The following LITAF variants were observed in gnomAD, a reference collection of about 807,000 sequenced individuals.
The protein encoded by LITAF is lipopolysaccharide induced TNF factor.
In LITAF, 9 loss-of-function variants were observed where a neutral mutation model predicts 14.5. The observed-to-expected ratio is 0.62, with a 90% CI of 0.37 to 1.08. LITAF has a LOEUF of 1.08. Ranked by LOEUF, LITAF falls within the 50% of genes least tolerant of loss-of-function variation. LITAF has a pLI of 0.01. For missense variants in LITAF, 206 were observed against 213.4 expected (o/e 0.97, Z 0.22); for synonymous variants, 98 against 88.2 (o/e 1.11, Z -0.62).
chr16:11,553,859 G>C lies in LITAF; in HGVS notation c.221-170C>G. Reference sequence around the variant, plus strand: ...TATCTATGAGAGCCAAAAGGGGAAGGAACACCAGTGTCCATCGACGGACCA... The same window carrying C: ...TATCTATGAGAGCCAAAAGGGGAAGCAACACCAGTGTCCATCGACGGACCA... On this transcript the variant is annotated intron_variant, in intron 2 of 3. Coordinates refer to ENST00000622633, the MANE Select transcript of LITAF (RefSeq NM_001136472.2). This position sits in a 1 kb window ranked among gnomAD's most constrained non-coding sequence, Gnocchi z 7.7. 4.3e-6 allele frequency: 3 copies of C among 691,426 alleles called. No individual in the cohort carries two copies. Among genetic ancestry groups the C allele is most frequent in the Non-Finnish European group, 5.0e-6 (2 of 399,822 alleles). 42.8% of individuals were successfully genotyped at this position (691,426 alleles called of 1,614,324 possible). A position where few individuals can be genotyped will look rare whatever the true frequency, so the allele number is the denominator to read the frequency against.
chr16:11,588,752 A>T (rs115209636), upstream of LITAF, among the ~76,000 whole-genome samples: 456 of 152,156 alleles, frequency 3.0e-3, 2 homozygotes, highest in African/African-American at 0.011. Context: ...GAGACATAAC[A>T]CCTAGGGAAA....
intron 3 of LITAF, among the ~76,000 whole-genome samples, chr16:11,615,477 C>T (rs1412438082): frequency 6.6e-6 from 1 of 151,858 alleles, no homozygotes; most frequent in Non-Finnish European, 1.5e-5. Context: ...GTGGAGGTTG[C>T]GGTGAGCCGA....
chr16:11,615,714 G>T (rs973777472), intron 3 of LITAF, among the ~76,000 whole-genome samples: 1 of 152,130 alleles, frequency 6.6e-6, no homozygotes, highest in Non-Finnish European at 1.5e-5. Context: ...AAAGAAAAGT[G>T]AAGACCTATG....
At chr16:11,625,932 A>G (rs1215746141) in intron 3 of LITAF, among the ~76,000 whole-genome samples, 1 of 152,072 alleles carries the variant, frequency 6.6e-6, no homozygotes, top group Non-Finnish European at 1.5e-5. Flanking sequence ...AGTGCCCATG[A>G]GGAAATGGAA....
intron 1 of LITAF, among the ~76,000 whole-genome samples, chr16:11,559,899 G>A (rs188588900): frequency 6.6e-6 from 1 of 151,872 alleles, no homozygotes; most frequent in African/African-American, 2.4e-5. Context: ...GGAGGCTGAG[G>A]TGGGAGAATC....
chr16:11,638,701 CAAAAAAAAAAAAAAAAAAAAAAAA>C (rs57170972), upstream of LITAF, among the ~76,000 whole-genome samples: 278 of 75,932 alleles, frequency 3.7e-3, 2 homozygotes, highest in East Asian at 0.021. Context: ...GACTCTGTCT[CAAAAAAAAAAAAAAAAAAAAAAAA>C]AAAAAAAAAA....
intron 3 of LITAF, among the ~76,000 whole-genome samples, chr16:11,552,822 A>C (rs540434513): frequency 7.2e-5 from 11 of 152,270 alleles, no homozygotes; most frequent in African/African-American, 2.6e-4. Context: ...TACAATAAAG[A>C]AATGTCTTGG....
chr16:11,622,675 T>C (rs1339174772), intron 3 of LITAF, among the ~76,000 whole-genome samples: 16 of 152,176 alleles, frequency 1.1e-4, no homozygotes, highest in Non-Finnish European at 2.2e-4. Flanking sequence ...AAATTAAGAA[T>C]ACAAGGTGTC....
At chr16:11,606,025 TA>T (rs2064953459) in intron 3 of LITAF, among the ~76,000 whole-genome samples, 1 of 152,154 alleles carries the variant, frequency 6.6e-6, no homozygotes, top group African/African-American at 2.4e-5. Flanking sequence ...CCTTTTTCGT[TA>T]AACTTATTGT....
At chr16:11,624,842 A>G (rs1040433843) in intron 3 of LITAF, among the ~76,000 whole-genome samples, 1 of 152,188 alleles carries the variant, frequency 6.6e-6, no homozygotes, top group Non-Finnish European at 1.5e-5. Flanking sequence ...CCAATAGAAT[A>G]TGGTAGAAGT....
chr16:11,559,005 T>C (rs986630927), intron 1 of LITAF, among the ~76,000 whole-genome samples: 3 of 152,100 alleles, frequency 2.0e-5, no homozygotes, highest in African/African-American at 7.2e-5. Context: ...CCCAGCACTT[T>C]GGGAGGTCGA....
chr16:11,562,245 T>C (rs2064379647), intron 1 of LITAF, among the ~76,000 whole-genome samples: 1 of 130,502 alleles, frequency 7.7e-6, no homozygotes, highest in Non-Finnish European at 1.5e-5. Flanking sequence ...ACCTGGGAGA[T>C]GGAGGCTGCA....
chr16:11,565,481 G>C (rs1264515456), intron 1 of LITAF, among the ~76,000 whole-genome samples: 1 of 151,962 alleles, frequency 6.6e-6, no homozygotes, highest in East Asian at 1.9e-4. Context: ...AGGAGACACT[G>C]CTGGAAATCT....
chr16:11,565,870 A>C (rs1004940953), intron 1 of LITAF, among the ~76,000 whole-genome samples: 5 of 151,546 alleles, frequency 3.3e-5, no homozygotes, highest in Non-Finnish European at 7.4e-5. Context: ...TGCCCCCGGG[A>C]GAATTCATTC....
chr16:11,557,697 C>T (rs1326581514), intron 1 of LITAF, among the ~76,000 whole-genome samples: 11 of 152,318 alleles, frequency 7.2e-5, no homozygotes, highest in Middle Eastern at 3.4e-3. Flanking sequence ...GTGAACCTCC[C>T]GCCTTGGCTT....
chr16:11,639,406 A>T (rs2065155361), upstream of LITAF, among the ~76,000 whole-genome samples: 1 of 129,796 alleles, frequency 7.7e-6, no homozygotes, highest in South Asian at 2.8e-4. Context: ...AGATGGGTGG[A>T]TGGATGGTTA....
chr16:11,574,366 A>T (rs11645071), intron 1 of LITAF, among the ~76,000 whole-genome samples: 117,788 of 151,998 alleles, frequency 0.77, 46,201 homozygotes, highest in African/African-American at 0.88. Context: ...ATAATATGCA[A>T]AAAATGTCTC....
chr16:11,634,855 G>A lies in LITAF; in HGVS notation c.-21+970C>T, dbSNP rs923992272. ...TCAGGACCAGCCTGGCTAACCTGGT[G>A]AAACCCCGTCTCTACTAAAAATGCA... On this transcript the variant is annotated intron_variant, in intron 2 of 3. Transcript: ENST00000574848. This position sits in a 1 kb window ranked among gnomAD's most constrained non-coding sequence, Gnocchi z 4.1. Among the ~76,000 whole-genome samples the A allele has an allele frequency of 1.3e-5, 2 of 152,058 alleles. No individual in the cohort carries two copies. Among genetic ancestry groups the A allele is most frequent in the Non-Finnish European group, 2.9e-5 (2 of 68,022 alleles).
intron 3 of LITAF, among the ~76,000 whole-genome samples, chr16:11,604,698 A>G (rs1009004255): frequency 1.3e-5 from 2 of 149,532 alleles, no homozygotes; most frequent in Non-Finnish European, 3.0e-5. Context: ...CAGTTGTGTC[A>G]CCTGGATGGT....
Sources: gnomAD v4.1 joint callset for allele counts (sites outside exome capture counted in the v4.1 genomes callset) on GRCh38, gnomAD v4.1.1 for gene constraint, Gnocchi (gnomAD v3.1) non-coding constraint, MANE v1.5 for transcripts, NCBI Gene and HGNC (gene_info 2026-07-23, HGNC 2026-07-21) for gene names.